Variants in SPATS2L observed in about 807,000 individuals in gnomAD.
SPATS2L encodes the protein SPATS2-like protein.
SPATS2L carries 30 observed loss-of-function variants against 59.6 expected under a neutral mutation model. The ratio of observed to expected loss-of-function variants is 0.50; its 90% CI spans 0.38 to 0.68. The LOEUF (loss-of-function observed/expected upper bound fraction) is 0.68, where lower values mean the gene tolerates loss of function less well. Among genes scored for constraint, SPATS2L ranks in the 30% least tolerant of loss-of-function variants. The pLI, the probability that SPATS2L is intolerant of heterozygous loss-of-function variation, is 0.00. For synonymous variants in SPATS2L, 252 were observed against 263.5 expected (o/e 0.96, Z 0.42); for missense variants, 615 against 700.0 (o/e 0.88, Z 1.37).
At chr2:200,391,194 A>G (rs1369548122) in intron 3 of SPATS2L, among the ~76,000 whole-genome samples, 1 of 152,198 alleles carries the variant, frequency 6.6e-6, no homozygotes, top group Non-Finnish European at 1.5e-5. Flanking sequence ...ACAGTAGAGC[A>G]GCAGTACCCG....
intron 6 of SPATS2L, among the ~76,000 whole-genome samples, chr2:200,435,912 A>G (rs2084256237): frequency 6.6e-6 from 1 of 152,038 alleles, no homozygotes; most frequent in Non-Finnish European, 1.5e-5. Context: ...TATCAAAAAT[A>G]TCATTTCAAC....
At chr2:200,318,326 G>A (rs2079447700) in intron 1 of SPATS2L, among the ~76,000 whole-genome samples, 1 of 152,162 alleles carries the variant, frequency 6.6e-6, no homozygotes, top group Non-Finnish European at 1.5e-5. Flanking sequence ...AGCTTCCAGT[G>A]ACTTGGTCAG....
At chr2:200,402,808 T>A (rs2082569690) in intron 3 of SPATS2L, among the ~76,000 whole-genome samples, 1 of 152,240 alleles carries the variant, frequency 6.6e-6, no homozygotes, top group Non-Finnish European at 1.5e-5. Context: ...GCCTCTGTAC[T>A]TGGCCATGGC....
intron 6 of SPATS2L, among the ~76,000 whole-genome samples, chr2:200,436,931 G>T (rs984272678): frequency 6.6e-6 from 1 of 152,076 alleles, no homozygotes; most frequent in South Asian, 2.1e-4. Flanking sequence ...TTGGTGATAA[G>T]CGAGTTCTTG....
chr2:200,435,929 T>A (rs573612646), intron 6 of SPATS2L, among the ~76,000 whole-genome samples: 1 of 152,172 alleles, frequency 6.6e-6, no homozygotes. Flanking sequence ...CAACATGTAG[T>A]CAATCTTTTT....
At chr2:200,369,132 C>T (rs1346739660) in intron 2 of SPATS2L, among the ~76,000 whole-genome samples, 2 of 147,840 alleles carry the variant, frequency 1.4e-5, no homozygotes, top group East Asian at 3.9e-4. Context: ...TTCAAATTAA[C>T]TCATAAAAGA....
At chr2:200,315,138 C>T (rs548846231) in intron 1 of SPATS2L, among the ~76,000 whole-genome samples, 4 of 152,258 alleles carry the variant, frequency 2.6e-5, no homozygotes, top group Admixed American at 2.0e-4. Flanking sequence ...GAGCCAAGCC[C>T]ACGAGCTTTT....
At chr2:200,306,600 T>C (rs2079018448), upstream of SPATS2L, 3 of 987,880 alleles carry the variant, frequency 3.0e-6, no homozygotes, top group Non-Finnish European at 3.6e-6. Flanking sequence ...TGTGTGCTCC[T>C]GGTGAGTGAC....
intron 3 of SPATS2L, among the ~76,000 whole-genome samples, chr2:200,392,415 C>T (rs902362940): frequency 1.3e-5 from 2 of 152,160 alleles, no homozygotes; most frequent in Non-Finnish European, 2.9e-5. Context: ...TTCCACATAC[C>T]TTGCCCTGTG....
intron 6 of SPATS2L, among the ~76,000 whole-genome samples, chr2:200,421,124 G>C (rs949424601): frequency 4.6e-5 from 7 of 152,174 alleles, no homozygotes; most frequent in Non-Finnish European, 8.8e-5. Context: ...ATATGATATG[G>C]TCTAGGCCCT....
intron 9 of SPATS2L, among the ~76,000 whole-genome samples, chr2:200,466,018 C>T (rs1321917518): frequency 2.0e-5 from 3 of 152,186 alleles, no homozygotes; most frequent in South Asian, 2.1e-4. Flanking sequence ...GACGAAAGAG[C>T]GAGACTCTGT....
Position 200,478,018 on chromosome 2 carries a change from C to T in SPATS2L, c.1664C>T (p.Thr555Met), listed in dbSNP as rs1409665672. 5 of 1,556,964 alleles carry T rather than the reference C, an allele frequency of 3.2e-6. No homozygotes were observed. The highest frequency in any genetic ancestry group is 4.3e-6 in the Non-Finnish European group (5 of 1,151,112). Residue 555 changes from threonine (T) to methionine (M), a missense_variant, in exon 13 of 13, where the codon ACG becomes ATG. Thr to Met is a moderately conservative substitution (Grantham distance 81, BLOSUM62 -1). Coordinates refer to ENST00000409140, the MANE Select transcript of SPATS2L (RefSeq NM_001100423.2). ...GCAGTTCTCTCAGTCCCGGCTGTGA[C>T]GTTGGTGGCCTGAGCTAGGAGGAAA... The part of the protein sequence containing the change: ...DAAVLSVPAV[T>M]LVA
intron 2 of SPATS2L, chr2:200,384,111 T>A: frequency 1.8e-6 from 1 of 546,874 alleles, no homozygotes; most frequent in Non-Finnish European, 2.4e-6. Flanking sequence ...TCATACATAT[T>A]AAAATTTGTT....
At chr2:200,428,613 T>C (rs776919082) in intron 6 of SPATS2L, among the ~76,000 whole-genome samples, 5 of 152,208 alleles carry the variant, frequency 3.3e-5, no homozygotes, top group African/African-American at 4.8e-5. Flanking sequence ...CTGGCTACAC[T>C]CTGAACTCCA....
intron 2 of SPATS2L, among the ~76,000 whole-genome samples, chr2:200,341,219 T>G (rs2080313240): frequency 6.6e-6 from 1 of 152,194 alleles, no homozygotes; most frequent in Admixed American, 6.5e-5. Flanking sequence ...TAAAGTTAAG[T>G]GATTTCCTCA....
intron 2 of SPATS2L, among the ~76,000 whole-genome samples, chr2:200,386,380 A>G (rs1217651653): frequency 6.6e-6 from 1 of 152,258 alleles, no homozygotes; most frequent in Non-Finnish European, 1.5e-5. Flanking sequence ...TAATTTTACT[A>G]GCATCAGTCC....
At position 200,478,462 on chromosome 2, in the gene SPATS2L, T is replaced by G. The variant is rs2087695036; in HGVS notation, c.*431T>G. 3 of 154,078 alleles carry G rather than the reference T, an allele frequency of 1.9e-5. No homozygotes were observed. Among genetic ancestry groups the G allele is most frequent in the African/African-American group, 7.2e-5 (3 of 41,500 alleles). The allele number at this position is 154,078 out of a possible 1,614,324, so 9.5% of individuals were successfully genotyped here. A position where few individuals can be genotyped will look rare whatever the true frequency, so the allele number is the denominator to read the frequency against. ...CGCTTTTGTAGAATTTAACATCTGGTGTTTTTCTGAAAAAATATATATACA... is the reference window on the plus strand; with the variant it reads ...CGCTTTTGTAGAATTTAACATCTGGGGTTTTTCTGAAAAAATATATATACA... On this transcript the variant is annotated 3_prime_UTR_variant, in exon 13 of 13. Transcript: ENST00000409140.
intron 3 of SPATS2L, among the ~76,000 whole-genome samples, chr2:200,396,051 T>A (rs1423944564): frequency 6.1e-5 from 5 of 82,462 alleles, no homozygotes; most frequent in Non-Finnish European, 9.5e-5. Context: ...TATATATATA[T>A]ATATATATAT....
At chr2:200,390,332 AC>A (rs1227164338) in intron 3 of SPATS2L, 2 of 152,256 alleles carry the variant, frequency 1.3e-5, no homozygotes, top group East Asian at 3.8e-4. Context: ...CATGGAGCTC[AC>A]ATTTTAGGGC....
Sources: gnomAD v4.1 joint callset for allele counts (sites outside exome capture counted in the v4.1 genomes callset) on GRCh38, gnomAD v4.1.1 for gene constraint, MANE v1.5 for transcripts, NCBI Gene and HGNC (gene_info 2026-07-23, HGNC 2026-07-21) for gene names.